Variants in GOSR2 observed in about 807,000 individuals in gnomAD.
GOSR2 encodes the protein golgi SNAP receptor complex member 2, also known as 27 kDa Golgi SNARE protein.
GOSR2 carries 20 observed loss-of-function variants against 27.9 expected under a neutral mutation model. The ratio of observed to expected loss-of-function variants is 0.72; its 90% CI spans 0.50 to 1.04. The LOEUF (loss-of-function observed/expected upper bound fraction) is 1.04, where lower values mean the gene tolerates loss of function less well. GOSR2 is among the 50% of genes least tolerant of loss of function. The pLI is 0.00. For missense variants in GOSR2, 261 were observed against 270.5 expected, an observed-to-expected ratio of 0.97 and a Z score of 0.25; for synonymous variants, 91 against 98.8, an observed-to-expected ratio of 0.92 and a Z score of 0.47.
downstream of GOSR2, among the ~76,000 whole-genome samples, chr17:46,946,549 C>G (rs2089913482): frequency 6.6e-6 from 1 of 151,402 alleles, no homozygotes; most frequent in Non-Finnish European, 1.5e-5. Context: ...TATTGCAGCC[C>G]TTAAACAGAA....
intron 1 of GOSR2, chr17:46,924,166 T>C (rs2086146864): frequency 3.4e-6 from 1 of 294,978 alleles, no homozygotes; most frequent in Non-Finnish European, 6.2e-6. Flanking sequence ...GTTTTACTTC[T>C]CTCTATGAGT....
At chr17:46,947,117 A>G (rs2089969104) in intron 6 of GOSR2, among the ~76,000 whole-genome samples, 1 of 152,116 alleles carries the variant, frequency 6.6e-6, no homozygotes, top group African/African-American at 2.4e-5. Context: ...GTGGGTGTGG[A>G]GGAAGGCCAG....
chr17:46,929,423 A>G (rs2086971446), intron 1 of GOSR2, 97 bp from the exon 2 acceptor site: 1 of 757,878 alleles, frequency 1.3e-6, no homozygotes, highest in African/African-American at 1.7e-5. Context: ...TGTCGATTTA[A>G]ATCAGTTACA....
At chr17:46,973,817 G>A (rs7211367) in intron 6 of GOSR2, among the ~76,000 whole-genome samples, 108,135 of 150,914 alleles carry the variant, frequency 0.72, 39,174 homozygotes, top group Non-Finnish European at 0.79. Context: ...GCATGCGTGC[G>A]ACACATGTGT....
chr17:46,973,757 A>G (rs2091417306), intron 6 of GOSR2, among the ~76,000 whole-genome samples: 1 of 148,118 alleles, frequency 6.8e-6, no homozygotes, highest in Non-Finnish European at 1.5e-5. Flanking sequence ...TCTGCACTCA[A>G]GAGATACTAC....
chr17:46,930,944 A>AT (rs932078783), intron 2 of GOSR2, 155 bp from the exon 3 acceptor site: 2 of 639,140 alleles, frequency 3.1e-6, no homozygotes, highest in Non-Finnish European at 5.6e-6. Context: ...CCTAACTTGA[A>AT]TTTTTTCTGT....
intron 6 of GOSR2, among the ~76,000 whole-genome samples, chr17:46,961,679 A>C (rs1239213183): frequency 6.6e-6 from 1 of 152,252 alleles, no homozygotes; most frequent in African/African-American, 2.4e-5. Context: ...AAAAAGGTCC[A>C]GCTGTATGAT....
At chr17:46,970,995 G>T (rs1293714275), downstream of GOSR2, among the ~76,000 whole-genome samples, 1 of 152,174 alleles carries the variant, frequency 6.6e-6, no homozygotes, top group African/African-American at 2.4e-5. Flanking sequence ...CAGGAATGTG[G>T]CTACTGTTTG....
At chr17:46,957,702 ATT>A (rs1302476147) in intron 6 of GOSR2, among the ~76,000 whole-genome samples, 2 of 152,164 alleles carry the variant, frequency 1.3e-5, no homozygotes, top group Non-Finnish European at 2.9e-5. Context: ...ATGAAGGAAG[ATT>A]TGTTTGGTAG....
downstream of GOSR2, among the ~76,000 whole-genome samples, chr17:46,943,961 G>A (rs762827914): frequency 2.0e-5 from 3 of 152,088 alleles, no homozygotes; most frequent in Non-Finnish European, 4.4e-5. Context: ...ACTAATGCAG[G>A]GTATCTAGGA....
rs774359254 is a variant in GOSR2 at position 46,932,094 on chromosome 17, C to T, written c.231C>T (p.Val77=). 2.4e-5 allele frequency: 39 copies of T among 1,613,268 alleles called. No individual in the cohort carries two copies. In the South Asian group the frequency reaches 3.5e-4, roughly 15 times the overall value. ...RLRVDQLKYD[V]QHLQTALRNF... is the part of the protein sequence containing the mutation. The stretch of plus-strand genomic sequence containing the variant: ...GGGTTGACCAGTTAAAGTATGATGT[C>T]CAGCACCTGCAGACTGCGCTCAGAA... The change falls in exon 4 of 6, where the codon GTC becomes GTT. Residue 77 remains valine (V), a synonymous_variant. Transcript: ENST00000640051.
At chr17:46,961,044 G>T (rs552619206) in intron 6 of GOSR2, among the ~76,000 whole-genome samples, 2 of 152,012 alleles carry the variant, frequency 1.3e-5, no homozygotes, top group African/African-American at 4.8e-5. Flanking sequence ...AAAAAACAAG[G>T]TGGGAATAAA....
At chr17:46,945,569 C>G (rs1399787839), downstream of GOSR2, among the ~76,000 whole-genome samples, 1 of 152,174 alleles carries the variant, frequency 6.6e-6, no homozygotes, top group African/African-American at 2.4e-5. Context: ...TGCATCTTTG[C>G]TGGGTGGTAA....
exon 7 of GOSR2, chr17:46,966,642 C>A: frequency 1.6e-6 from 1 of 627,730 alleles, no homozygotes; most frequent in South Asian, 1.8e-5. Context: ...AGCCACCACC[C>A]TGACCTCCAA....
chr17:46,952,239 A>G (rs2090413529), intron 6 of GOSR2, among the ~76,000 whole-genome samples: 1 of 152,180 alleles, frequency 6.6e-6, no homozygotes, highest in South Asian at 2.1e-4. Context: ...CACGGGACTC[A>G]GCGAGGGCTG....
chr17:46,959,801 C>T (rs2090951013), intron 6 of GOSR2, among the ~76,000 whole-genome samples: 1 of 152,198 alleles, frequency 6.6e-6, no homozygotes, highest in Non-Finnish European at 1.5e-5. Flanking sequence ...ATGGAAAGTC[C>T]TCCAATCCTT....
At chr17:46,964,093 G>A (rs187305409) in intron 6 of GOSR2, 14 of 152,256 alleles carry the variant, frequency 9.2e-5, no homozygotes, top group African/African-American at 3.1e-4. Flanking sequence ...GATGACAAGT[G>A]TGGCTGAGTT....
chr17:46,928,914 C>CCACCCCTCTGTCTG (rs1405528793), intron 1 of GOSR2, among the ~76,000 whole-genome samples: 1 of 152,086 alleles, frequency 6.6e-6, no homozygotes, highest in East Asian at 1.9e-4. Context: ...TTTCTCAGCC[C>CCACCCCTCTGTCTG]CACCCCTCTG....
At chr17:46,923,320 C>T in intron 1 of GOSR2, 99 bp downstream of exon 1, 6 of 1,539,414 alleles carry the variant, frequency 3.9e-6, no homozygotes, top group Non-Finnish European at 5.3e-6. Context: ...AGGGTAGAGG[C>T]CGAGTTTTTC....
Sources: gnomAD v4.1 joint callset for allele counts (sites outside exome capture counted in the v4.1 genomes callset) on GRCh38, gnomAD v4.1.1 for gene constraint, MANE v1.5 for transcripts, NCBI Gene and HGNC (gene_info 2026-07-23, HGNC 2026-07-21) for gene names.